Variants in ANKS1B observed in about 807,000 individuals in gnomAD.
The protein encoded by ANKS1B is ankyrin repeat and sterile alpha motif domain-containing protein 1B.
Under a neutral mutation model 148.3 loss-of-function variants are expected in ANKS1B, and 36 were observed. The ratio of observed to expected loss-of-function variants is 0.24; its 90% CI spans 0.19 to 0.32. The LOEUF (loss-of-function observed/expected upper bound fraction) is 0.32. Among genes scored for constraint, ANKS1B ranks in the 10% least tolerant of loss-of-function variants. The pLI is 1.00. For synonymous variants in ANKS1B, 542 were observed against 560.8 expected (o/e 0.97, Z 0.47); for missense variants, 1,157 against 1,542.6 (o/e 0.75, Z 4.19).
At chr12:99,031,661 T>C (rs1004293364) in intron 17 of ANKS1B, among the ~76,000 whole-genome samples, 4 of 152,184 alleles carry the variant, frequency 2.6e-5, no homozygotes, top group Admixed American at 1.3e-4. Flanking sequence ...GAAGCTGCCA[T>C]AGCCACTCTG....
At chr12:99,642,341 C>T (rs1451371308) in intron 9 of ANKS1B, among the ~76,000 whole-genome samples, 1 of 134,546 alleles carries the variant, frequency 7.4e-6, no homozygotes, top group Non-Finnish European at 1.7e-5. Context: ...GTCTACTGAC[C>T]TAATTTCTGT....
At position 99,267,670 on chromosome 12, in the gene ANKS1B, C is replaced by T. The variant is rs576427723; in HGVS notation, c.1757-20806G>A. On this transcript the variant is annotated intron_variant, in intron 12 of 26. Transcript: ENST00000683438. ...AAACAAGGTCCATTATCTTGAACAG[C>T]TTATAGTTATAAAACATACAACCAG... Among the ~76,000 whole-genome samples, 7 of 152,198 alleles carry T rather than the reference C, an allele frequency of 4.6e-5. No homozygotes were observed. The South Asian group carries it at 1.5e-3, about 32-fold the overall frequency.
intron 10 of ANKS1B, among the ~76,000 whole-genome samples, chr12:99,452,789 T>C (rs1200104845): frequency 2.0e-5 from 3 of 152,234 alleles, no homozygotes; most frequent in Non-Finnish European, 4.4e-5. Flanking sequence ...AACAATTCTC[T>C]TAAATATACC....
chr12:99,644,647 C>A (rs2098341883), intron 9 of ANKS1B, among the ~76,000 whole-genome samples: 1 of 152,216 alleles, frequency 6.6e-6, no homozygotes, highest in South Asian at 2.1e-4. Context: ...CAGCAGCACT[C>A]CACTTCCAGG....
At chr12:99,947,640 C>G (rs1805872954) in intron 1 of ANKS1B, among the ~76,000 whole-genome samples, 2 of 152,096 alleles carry the variant, frequency 1.3e-5, no homozygotes, top group South Asian at 2.1e-4. Flanking sequence ...CTTATTATCT[C>G]ACGGTTTTGT....
intron 22 of ANKS1B, chr12:98,794,852 A>C: frequency 2.5e-6 from 4 of 1,603,708 alleles, no homozygotes; most frequent in Non-Finnish European, 2.6e-6. Context: ...CAGGATATCA[A>C]AGAAGTCAAG....
chr12:99,660,241 G>C (rs117107091), intron 8 of ANKS1B, among the ~76,000 whole-genome samples: 486 of 152,222 alleles, frequency 3.2e-3, no homozygotes, highest in Non-Finnish European at 5.4e-3. Context: ...CATTCAGTGG[G>C]TGTACTTCCA....
chr12:99,186,972 C>G (rs1259161201), intron 14 of ANKS1B, among the ~76,000 whole-genome samples: 1 of 151,574 alleles, frequency 6.6e-6, no homozygotes, highest in African/African-American at 2.4e-5. Context: ...ACTAGAATAA[C>G]CAGTTTAGAG....
At chr12:98,980,232 G>A (rs748910613) in intron 17 of ANKS1B, among the ~76,000 whole-genome samples, 2 of 152,028 alleles carry the variant, frequency 1.3e-5, no homozygotes, top group East Asian at 1.9e-4. Context: ...ACGGAGTCTC[G>A]CTCTGTCCCC....
intron 10 of ANKS1B, among the ~76,000 whole-genome samples, chr12:99,482,752 T>C (rs570329759): frequency 6.6e-6 from 1 of 151,962 alleles, no homozygotes; most frequent in African/African-American, 2.4e-5. Context: ...TTCCTAGGTA[T>C]TTTTATTTTT....
intron 1 of ANKS1B, among the ~76,000 whole-genome samples, chr12:99,826,287 G>GAC (rs1285357526): frequency 6.6e-6 from 1 of 152,116 alleles, no homozygotes; most frequent in Non-Finnish European, 1.5e-5. Flanking sequence ...GGAAAAGATA[G>GAC]ACACACAAGC....
chr12:99,086,128 G>T (rs533097529), intron 15 of ANKS1B, among the ~76,000 whole-genome samples: 23 of 152,288 alleles, frequency 1.5e-4, no homozygotes, highest in Admixed American at 7.2e-4. Context: ...TCCCGTGATG[G>T]AAAGGGACTG....
intron 6 of ANKS1B, among the ~76,000 whole-genome samples, chr12:99,777,631 C>T (rs1805230367): frequency 6.6e-6 from 1 of 152,152 alleles, no homozygotes; most frequent in African/African-American, 2.4e-5. Flanking sequence ...GTTGCTCAGG[C>T]TGGAGTGCAG....
At chr12:99,932,602 G>T (rs1211487344) in intron 1 of ANKS1B, among the ~76,000 whole-genome samples, 1 of 151,884 alleles carries the variant, frequency 6.6e-6, no homozygotes, top group African/African-American at 2.4e-5. Flanking sequence ...CAAATATTTT[G>T]CCAATATTTT....
chr12:99,246,335 A>T lies in ANKS1B; in HGVS notation c.2286T>A (p.Ala762=). 2.5e-6 allele frequency: 4 copies of T among 1,612,924 alleles called. No individual in the cohort carries two copies. The highest frequency in any genetic ancestry group is 3.4e-6 in the Non-Finnish European group (4 of 1,179,398). ...SRVNWSESST[A]EHSSKGNSER... is the part of the protein sequence containing the mutation. ...CAGAATTCCCTTTAGAACTGTGTTC[A>T]GCAGTGGAAGATTCACTCCAGTTAA... The change falls in exon 13 of 27, where the codon GCT becomes GCA. Residue 762 remains alanine, a synonymous_variant. Coordinates refer to ENST00000683438, the MANE Select transcript of ANKS1B (RefSeq NM_001352186.2).
At chr12:99,802,376 A>G (rs192960500) in intron 4 of ANKS1B, among the ~76,000 whole-genome samples, 185 of 152,286 alleles carry the variant, frequency 1.2e-3, no homozygotes, top group African/African-American at 4.4e-3. Context: ...ATTCATAAAA[A>G]TAATTGCTAA....
chr12:99,805,102 T>C (rs1379564531), intron 4 of ANKS1B, among the ~76,000 whole-genome samples: 3 of 151,822 alleles, frequency 2.0e-5, no homozygotes, highest in African/African-American at 4.8e-5. Flanking sequence ...TAAAGAGTTA[T>C]TGTGTTAAGC....
chr12:99,562,808 T>A (rs2097351055), intron 9 of ANKS1B, among the ~76,000 whole-genome samples: 2 of 152,166 alleles, frequency 1.3e-5, no homozygotes, highest in Non-Finnish European at 2.9e-5. Flanking sequence ...TACGTGGGTA[T>A]TACAATTTGG....
Position 99,748,685 on chromosome 12 carries a change from T to A in ANKS1B, c.1128+24237A>T, listed in dbSNP as rs7304032. Among the ~76,000 whole-genome samples the A allele has an allele frequency of 5.3e-5, 8 of 151,856 alleles. No homozygotes were observed. In the East Asian group the frequency reaches 1.2e-3, roughly 22 times the overall value. On this transcript the variant is annotated intron_variant, in intron 8 of 26. Transcript: ENST00000683438. ...ATAAACAAGCAAATATATAATACGT[T>A]GAATCGTGGTAAGTTCTCTGAAGAA...
Sources: allele counts gnomAD v4.1 joint callset (sites outside exome capture counted in the v4.1 genomes callset), GRCh38; gene constraint gnomAD v4.1.1; transcripts MANE v1.5; gene names NCBI Gene and HGNC (gene_info 2026-07-23, HGNC 2026-07-21).